KCNMA1: variants seen among roughly 807,000 people sequenced by gnomAD.
KCNMA1 encodes potassium calcium-activated channel subfamily M alpha 1, also known as Calcium-activated potassium channel subunit alpha-1.
KCNMA1 carries 29 observed loss-of-function variants against 140.0 expected under a neutral mutation model. The observed-to-expected ratio is 0.21, with a 90% CI of 0.15 to 0.28. The LOEUF (loss-of-function observed/expected upper bound fraction) is 0.28, where lower values mean the gene tolerates loss of function less well. Ranked by LOEUF, KCNMA1 falls within the 10% of genes least tolerant of loss-of-function variation. The probability of loss-of-function intolerance (pLI) is 1.00; values close to 1 mark genes in which losing one functional copy is unlikely to be tolerated. For missense variants in KCNMA1, 880 were observed against 1,602.2 expected (o/e 0.55, Z 7.70); for synonymous variants, 612 against 611.9 (o/e 1.00, Z 0.00).
chr10:77,198,567 T>TGATATATATA (rs2041406093), intron 3 of KCNMA1, among the ~76,000 whole-genome samples: 1 of 54,234 alleles, frequency 1.8e-5, no homozygotes, highest in Non-Finnish European at 4.2e-5. Context: ...CATATATATG[T>TGATATATATA]GATATATATA....
intron 3 of KCNMA1, among the ~76,000 whole-genome samples, chr10:77,208,646 A>G (rs1188744350): frequency 1.3e-5 from 2 of 152,212 alleles, no homozygotes; most frequent in Non-Finnish European, 2.9e-5. Flanking sequence ...TGTCCATCTT[A>G]TGGGATTCCA....
intron 1 of KCNMA1, among the ~76,000 whole-genome samples, chr10:77,612,029 A>G (rs1212429602): frequency 6.6e-6 from 1 of 152,352 alleles, no homozygotes; most frequent in East Asian, 1.9e-4. Flanking sequence ...CAGAGAAGAA[A>G]GAGATGGGAA....
chr10:77,295,303 T>C (rs2074578680), intron 2 of KCNMA1, among the ~76,000 whole-genome samples: 2 of 150,970 alleles, frequency 1.3e-5, no homozygotes, highest in South Asian at 4.2e-4. Context: ...GCCGAGATCA[T>C]GCCACTGCAC....
At chr10:77,427,443 G>A (rs945886563) in intron 1 of KCNMA1, among the ~76,000 whole-genome samples, 1 of 152,202 alleles carries the variant, frequency 6.6e-6, no homozygotes, top group African/African-American at 2.4e-5. Flanking sequence ...ATGCACCACA[G>A]AGGGTGTTAG....
intron 2 of KCNMA1, among the ~76,000 whole-genome samples, chr10:77,345,676 C>T (rs774008289): frequency 2.6e-5 from 4 of 152,208 alleles, no homozygotes; most frequent in Non-Finnish European, 4.4e-5. Context: ...GAAGCATCAG[C>T]GTCCGACACA....
chr10:76,949,223 G>A lies in KCNMA1; in HGVS notation c.2628C>T (p.His876=), dbSNP rs747048289. Residue 876 remains histidine, a synonymous_variant, in exon 22 of 28, where the codon CAC becomes CAT. Coordinates refer to ENST00000286628, the MANE Select transcript of KCNMA1 (RefSeq NM_001161352.2). ...ASNFHYHELK[H]IVFVGSIEYL... ...ACTCAATAGAGCCCACAAACACAAT[G>A]TGCTTGAGCTCATGGTAATGAAAGT... is the stretch of plus-strand genomic sequence containing the variant. The A allele has an allele frequency of 5.0e-6, 8 of 1,614,062 alleles. No individual in the cohort carries two copies. The highest frequency in any genetic ancestry group is 2.5e-6 in the Non-Finnish European group (3 of 1,180,034).
chr10:77,482,098 C>T lies in KCNMA1; in HGVS notation c.379-78075G>A, dbSNP rs17503831. 7.2e-3 allele frequency among the ~76,000 whole-genome samples: 1,093 copies of T among 152,346 alleles called. 11 individuals are homozygous for T. The highest frequency in any genetic ancestry group is 0.044 in the East Asian group (228 of 5,168). ...AAAGCAAAGAATTCATAAGAATCTG[C>T]CCATGTTCATTATTCAGGCAGATTA... On this transcript the variant is annotated intron_variant, in intron 1 of 27. Transcript: ENST00000286628.
chr10:77,493,002 T>C (rs1302891875), intron 1 of KCNMA1, among the ~76,000 whole-genome samples: 1 of 152,336 alleles, frequency 6.6e-6, no homozygotes, highest in East Asian at 1.9e-4. Context: ...GAATGGGGAT[T>C]TGAACCAGGT....
chr10:77,601,847 A>T (rs146055334), intron 1 of KCNMA1, among the ~76,000 whole-genome samples: 70 of 152,256 alleles, frequency 4.6e-4, no homozygotes, highest in Non-Finnish European at 8.1e-4. Flanking sequence ...AATTTTTTGG[A>T]CCAAGAGCCA....
At chr10:77,001,123 T>C (rs1172774264) in intron 19 of KCNMA1, among the ~76,000 whole-genome samples, 1 of 151,912 alleles carries the variant, frequency 6.6e-6, no homozygotes, top group Non-Finnish European at 1.5e-5. Flanking sequence ...TTAATTTCCA[T>C]TTATATTTAT....
At chr10:77,571,987 A>G (rs1443024199) in intron 1 of KCNMA1, among the ~76,000 whole-genome samples, 1 of 152,164 alleles carries the variant, frequency 6.6e-6, no homozygotes, top group African/African-American at 2.4e-5. Context: ...GGAAGGGAGG[A>G]AAAAACGCAC....
chr10:77,251,381 C>T, intron 2 of KCNMA1, 125 bp from the exon 3 acceptor site: 4 of 746,590 alleles, frequency 5.4e-6, no homozygotes, highest in Non-Finnish European at 7.2e-6. Flanking sequence ...GCTTGGAAAT[C>T]TCACCCTCAT....
At chr10:77,506,620 T>TGTGTGTGTGTG (rs1567212074) in intron 1 of KCNMA1, among the ~76,000 whole-genome samples, 8 of 104,190 alleles carry the variant, frequency 7.7e-5, no homozygotes, top group Admixed American at 1.9e-4. Context: ...TGTGTGTGTG[T>TGTGTGTGTGTG]TAGAGAGGGA....
rs575886416 is a variant in KCNMA1, at chr10:77,268,877, C to T, written c.541-17621G>A. On this transcript the variant is annotated intron_variant, in intron 2 of 27. Coordinates refer to ENST00000286628, the MANE Select transcript of KCNMA1 (RefSeq NM_001161352.2). ...TGCGCACAGTGATTTAATGAATACACGCCTCAGTAGTGACTGAACAAAAGC... is the reference window on the plus strand; with the variant it reads ...TGCGCACAGTGATTTAATGAATACATGCCTCAGTAGTGACTGAACAAAAGC... Among the ~76,000 whole-genome samples, 30 of 152,282 alleles carry T rather than the reference C, an allele frequency of 2.0e-4. No individual in the cohort carries two copies. The South Asian group carries it at 4.4e-3, about 22-fold the overall frequency.
Position 77,019,108 on chromosome 10 carries a change from TG to T in KCNMA1, c.1929-10del. ...CAGGATTAATTAATATACTGCTCAG[TG>T]AACAAAAACAAACAGAGAAGATACA... On this transcript the variant is annotated splice_polypyrimidine_tract_variant and intron_variant, in intron 16 of 27. Coordinates refer to ENST00000286628, the MANE Select transcript of KCNMA1 (RefSeq NM_001161352.2). 1 of 1,411,266 alleles carries T rather than the reference TG, an allele frequency of 7.1e-7. No homozygotes were observed. Among genetic ancestry groups the T allele is most frequent in the East Asian group, 2.3e-5 (1 of 43,816 alleles). The allele number at this position is 1,411,266 out of a possible 1,614,324, so 87.4% of individuals were successfully genotyped here. A position where few individuals can be genotyped will look rare whatever the true frequency, so the allele number is the denominator to read the frequency against.
chr10:76,926,223 A>G (rs2057647154), intron 23 of KCNMA1, among the ~76,000 whole-genome samples: 1 of 152,166 alleles, frequency 6.6e-6, no homozygotes. Flanking sequence ...ACTACCTGAA[A>G]TAAGCCATAC....
intron 1 of KCNMA1, among the ~76,000 whole-genome samples, chr10:77,424,587 C>CA (rs55637591): frequency 0.12 from 17,795 of 144,038 alleles, 1,248 homozygotes; most frequent in South Asian, 0.26. Flanking sequence ...GGTTCTCAGA[C>CA]AAAAAAAAAA....
chr10:77,173,403 G>T (rs1266186784), intron 5 of KCNMA1, among the ~76,000 whole-genome samples: 1 of 152,080 alleles, frequency 6.6e-6, no homozygotes, highest in Non-Finnish European at 1.5e-5. Flanking sequence ...TGAAGCCTCA[G>T]TTTCCCCATC....
chr10:77,027,760 G>A (rs1038870416), intron 16 of KCNMA1, 63 bp downstream of exon 16: 47 of 1,311,362 alleles, frequency 3.6e-5, no homozygotes, highest in Admixed American at 5.0e-5. Flanking sequence ...TGAACCGACC[G>A]TTCTCAGAAC....
Sources: allele counts gnomAD v4.1 joint callset (sites outside exome capture counted in the v4.1 genomes callset), GRCh38; gene constraint gnomAD v4.1.1; transcripts MANE v1.5; gene names NCBI Gene and HGNC (gene_info 2026-07-23, HGNC 2026-07-21).